CAMK2B: variants seen among roughly 807,000 people sequenced by gnomAD.
CAMK2B encodes the protein calcium/calmodulin-dependent protein kinase type II subunit beta.
In CAMK2B, 27 loss-of-function variants were observed where a neutral mutation model predicts 93.7. That is an observed-to-expected ratio of 0.29 (90% CI 0.21 to 0.40). The LOEUF (loss-of-function observed/expected upper bound fraction) is 0.40, where lower values mean the gene tolerates loss of function less well. Among genes scored for constraint, CAMK2B ranks in the 10% least tolerant of loss-of-function variants. The pLI, the probability that CAMK2B is intolerant of heterozygous loss-of-function variation, is 1.00. For synonymous variants in CAMK2B, 374 were observed against 358.8 expected (o/e 1.04, Z -0.48); for missense variants, 568 against 895.8 (o/e 0.63, Z 4.67).
intron 19 of CAMK2B, among the ~76,000 whole-genome samples, chr7:44,228,589 G>A (rs2096544128): frequency 6.6e-6 from 1 of 152,114 alleles, no homozygotes; most frequent in Admixed American, 6.5e-5. Context: ...AGCCGTGGAG[G>A]GGTCTGGGCC....
chr7:44,228,202 G>A (rs79210545), intron 19 of CAMK2B, among the ~76,000 whole-genome samples: 422 of 152,084 alleles, frequency 2.8e-3, no homozygotes, highest in African/African-American at 9.6e-3. Context: ...GAGGAGGCCT[G>A]GCCTGGCCCC....
intron 2 of CAMK2B, among the ~76,000 whole-genome samples, chr7:44,274,373 C>G (rs1413147461): frequency 6.6e-6 from 1 of 152,194 alleles, no homozygotes; most frequent in Non-Finnish European, 1.5e-5. Flanking sequence ...GCAGCTGTTC[C>G]CCCTCGAGCT....
chr7:44,321,890 A>G (rs550334563), intron 1 of CAMK2B, among the ~76,000 whole-genome samples: 31 of 152,320 alleles, frequency 2.0e-4, no homozygotes, highest in African/African-American at 7.0e-4. Context: ...GGCGGCCCCA[A>G]CGCTGCTGTG....
At chr7:44,251,754 G>A (rs1359990622) in intron 5 of CAMK2B, among the ~76,000 whole-genome samples, 2 of 152,228 alleles carry the variant, frequency 1.3e-5, no homozygotes, top group East Asian at 3.8e-4. Context: ...TACACCAGGG[G>A]TGCCCTCCGC....
rs555926132 is a variant in CAMK2B at position 44,222,962 on chromosome 7, C to G, written c.1598-2061G>C. 2.0e-4 allele frequency among the ~76,000 whole-genome samples: 31 copies of G among 152,350 alleles called. 1 individual carries two copies. The highest frequency in any genetic ancestry group is 7.5e-4 in the African/African-American group (31 of 41,582). ...CTGGGGCCTCATGTCCCCTGCTGCA[C>G]AGTGACAGCAGGAGGAGCCCGATGG... On this transcript the variant is annotated intron_variant, in intron 20 of 23. Coordinates refer to ENST00000395749, the MANE Select transcript of CAMK2B (RefSeq NM_001220.5).
At chr7:44,252,342 A>G (rs2096788205) in intron 5 of CAMK2B, among the ~76,000 whole-genome samples, 1 of 151,834 alleles carries the variant, frequency 6.6e-6, no homozygotes, top group Admixed American at 6.5e-5. Context: ...TGATGAACAC[A>G]AAGACTCCTA....
In CAMK2B at chr7:44,226,645, C is replaced by T; in HGVS notation, c.1469-1G>A. 1 of 1,539,338 alleles carries T rather than the reference C, an allele frequency of 6.5e-7. No homozygotes were observed. The highest frequency in any genetic ancestry group is 1.3e-5 in the South Asian group (1 of 79,896). On this transcript the variant is annotated splice_acceptor_variant, in intron 19 of 23. Coordinates refer to ENST00000395749, the MANE Select transcript of CAMK2B (RefSeq NM_001220.5). LOFTEE classifies it high-confidence loss of function. Reference sequence around the variant, plus strand: ...TTCAGGATGTCAGAGATCCTGGGGGCTGGGGCGGAACAGACGAGACGTGAA... The same window carrying T: ...TTCAGGATGTCAGAGATCCTGGGGGTTGGGGCGGAACAGACGAGACGTGAA...
chr7:44,270,184 C>T (rs1396844559), intron 2 of CAMK2B, among the ~76,000 whole-genome samples: 1 of 152,146 alleles, frequency 6.6e-6, no homozygotes, highest in African/African-American at 2.4e-5. Context: ...CCACCCATTT[C>T]CTCATGCCTG....
intron 2 of CAMK2B, among the ~76,000 whole-genome samples, chr7:44,270,935 T>G (rs943237484): frequency 2.0e-5 from 3 of 152,144 alleles, no homozygotes; most frequent in Admixed American, 2.0e-4. Flanking sequence ...CTTTTCTTTT[T>G]TTTGATGGAG....
intron 2 of CAMK2B, among the ~76,000 whole-genome samples, chr7:44,269,808 C>A (rs1046277988): frequency 6.6e-6 from 1 of 152,094 alleles, no homozygotes; most frequent in African/African-American, 2.4e-5. Context: ...GGAGGCCCAA[C>A]GGGTAAGCTC....
At chr7:44,257,889 C>G (rs76804431) in intron 4 of CAMK2B, among the ~76,000 whole-genome samples, 7,214 of 152,364 alleles carry the variant, frequency 0.047, 227 homozygotes, top group Non-Finnish European at 0.072. Flanking sequence ...CAGGCGTGTC[C>G]TGTCTCTGCT....
At chr7:44,270,770 C>T (rs1233048150) in intron 2 of CAMK2B, among the ~76,000 whole-genome samples, 1 of 152,242 alleles carries the variant, frequency 6.6e-6, no homozygotes, top group Non-Finnish European at 1.5e-5. Flanking sequence ...GCTGGGCACA[C>T]ATCTGTCCAA....
At chr7:44,229,740 G>C in intron 17 of CAMK2B, 1 of 444,148 alleles carries the variant, frequency 2.3e-6, no homozygotes, top group Non-Finnish European at 4.0e-6. Context: ...AGCCAGCAGA[G>C]GCCAGGGCAG....
At chr7:44,263,830 T>C (rs1031239257) in intron 2 of CAMK2B, 3 of 154,240 alleles carry the variant, frequency 1.9e-5, no homozygotes, top group African/African-American at 7.2e-5. Context: ...TGCGCTGCAG[T>C]CACACAGGGT....
intron 2 of CAMK2B, among the ~76,000 whole-genome samples, chr7:44,280,595 C>T (rs1056185321): frequency 6.6e-6 from 1 of 152,202 alleles, no homozygotes; most frequent in Non-Finnish European, 1.5e-5. Context: ...TTTAAAACAC[C>T]AAGTTGACCA....
At chr7:44,318,637 G>C (rs541223000) in intron 1 of CAMK2B, among the ~76,000 whole-genome samples, 2 of 152,208 alleles carry the variant, frequency 1.3e-5, no homozygotes, top group Non-Finnish European at 2.9e-5. Flanking sequence ...TTGTAAGGGC[G>C]ACAGCAGCTC....
intron 2 of CAMK2B, among the ~76,000 whole-genome samples, chr7:44,275,303 T>C (rs1184879216): frequency 6.6e-6 from 1 of 152,212 alleles, no homozygotes; most frequent in Non-Finnish European, 1.5e-5. Context: ...ACTCGGTGTC[T>C]ACACAGGGCC....
At chr7:44,239,251 C>A (rs1022022979) in intron 13 of CAMK2B, among the ~76,000 whole-genome samples, 2 of 147,228 alleles carry the variant, frequency 1.4e-5, no homozygotes, top group African/African-American at 5.1e-5. Flanking sequence ...TCAGACCCCC[C>A]AGCAGCAGGC....
chr7:44,232,950 G>C (rs1167726392), intron 15 of CAMK2B, 84 bp from the exon 16 acceptor site: 2 of 1,223,222 alleles, frequency 1.6e-6, no homozygotes, highest in South Asian at 1.2e-5. Flanking sequence ...AGGGGAACAG[G>C]GAGACAGAGG....
Sources: allele counts gnomAD v4.1 joint callset (sites outside exome capture counted in the v4.1 genomes callset), GRCh38; gene constraint gnomAD v4.1.1; transcripts MANE v1.5; gene names NCBI Gene and HGNC (gene_info 2026-07-23, HGNC 2026-07-21).